The following NRXN3 variants were observed in gnomAD, a reference collection of about 807,000 sequenced individuals.
NRXN3 encodes neurexin 3.
A neutral mutation model predicts 137.6 loss-of-function variants in NRXN3; 32 were observed. That is an observed-to-expected ratio of 0.23 (90% confidence interval 0.18 to 0.31). NRXN3 has a LOEUF of 0.31. Ranked by LOEUF, NRXN3 falls within the 10% of genes least tolerant of loss-of-function variation. The pLI is 1.00. For synonymous variants in NRXN3, 798 were observed against 784.5 expected (o/e 1.02, Z -0.29); for missense variants, 1,574 against 2,062.5 (o/e 0.76, Z 4.59).
chr14:79,567,370 G>C (rs967271172), intron 16 of NRXN3, among the ~76,000 whole-genome samples: 4 of 151,908 alleles, frequency 2.6e-5, no homozygotes, highest in Non-Finnish European at 4.4e-5. Flanking sequence ...AGACCAGACT[G>C]GACTTGCATA....
chr14:79,438,372 A>G (rs1396919337), intron 15 of NRXN3, among the ~76,000 whole-genome samples: 1 of 152,172 alleles, frequency 6.6e-6, no homozygotes, highest in Non-Finnish European at 1.5e-5. Context: ...TGGTTAGGGT[A>G]AATAGAGGAG....
At chr14:78,851,598 C>T (rs930404939) in intron 10 of NRXN3, among the ~76,000 whole-genome samples, 2 of 152,184 alleles carry the variant, frequency 1.3e-5, no homozygotes, top group Admixed American at 1.3e-4. Flanking sequence ...TTACCACAGG[C>T]AGGCTGGCAG....
chr14:78,382,760 T>C (rs1440427517), intron 4 of NRXN3, among the ~76,000 whole-genome samples: 1 of 152,170 alleles, frequency 6.6e-6, no homozygotes, highest in Non-Finnish European at 1.5e-5. Flanking sequence ...TCCCTCTCCT[T>C]GTTTCCAATT....
At chr14:79,269,632 T>G (rs892257099) in intron 15 of NRXN3, among the ~76,000 whole-genome samples, 1 of 152,120 alleles carries the variant, frequency 6.6e-6, no homozygotes, top group Admixed American at 6.5e-5. Context: ...TTAGGGTGAT[T>G]CATTTTTATT....
intron 15 of NRXN3, among the ~76,000 whole-genome samples, chr14:79,402,216 G>A (rs890592258): frequency 6.6e-5 from 10 of 152,120 alleles, no homozygotes; most frequent in African/African-American, 1.9e-4. Context: ...GATTACAGGC[G>A]TGAGCCACTT....
intron 4 of NRXN3, among the ~76,000 whole-genome samples, chr14:78,381,139 A>G (rs112756107): frequency 1.3e-5 from 2 of 152,196 alleles, no homozygotes; most frequent in African/African-American, 2.4e-5. Context: ...ACTACTTATT[A>G]AAAAATTAGC....
At chr14:78,335,836 G>C (rs531943133) in intron 4 of NRXN3, among the ~76,000 whole-genome samples, 4 of 152,198 alleles carry the variant, frequency 2.6e-5, no homozygotes, top group Non-Finnish European at 5.9e-5. Context: ...AACTGCTGGG[G>C]AAGGCACAGG....
intron 16 of NRXN3, among the ~76,000 whole-genome samples, chr14:79,485,678 G>C (rs1424533231): frequency 6.7e-6 from 1 of 150,188 alleles, no homozygotes; most frequent in Non-Finnish European, 1.5e-5. Flanking sequence ...TCATATTCCA[G>C]GTATTACTGT....
intron 4 of NRXN3, among the ~76,000 whole-genome samples, chr14:78,339,447 T>C (rs944128777): frequency 2.0e-5 from 3 of 152,168 alleles, no homozygotes; most frequent in African/African-American, 7.2e-5. Context: ...ACATATAGCA[T>C]TGACTGTGTC....
At chr14:79,437,272 G>A (rs1046610446) in intron 15 of NRXN3, among the ~76,000 whole-genome samples, 2 of 151,916 alleles carry the variant, frequency 1.3e-5, no homozygotes, top group Admixed American at 6.6e-5. Flanking sequence ...TGATCTTTTG[G>A]ATAAATAGTG....
chr14:79,216,392 T>C (rs2068508637), intron 15 of NRXN3, among the ~76,000 whole-genome samples: 1 of 152,142 alleles, frequency 6.6e-6, no homozygotes, highest in Non-Finnish European at 1.5e-5. Flanking sequence ...ATTTCATTGG[T>C]TACATGTGAA....
chr14:79,294,189 C>G (rs1418812654), intron 15 of NRXN3, among the ~76,000 whole-genome samples: 1 of 152,162 alleles, frequency 6.6e-6, no homozygotes, highest in South Asian at 2.1e-4. Context: ...ATCTTTATTT[C>G]CCCTAGATAC....
chr14:78,609,527 T>A (rs1314460128), intron 4 of NRXN3, among the ~76,000 whole-genome samples: 2 of 152,140 alleles, frequency 1.3e-5, no homozygotes, highest in African/African-American at 4.8e-5. Flanking sequence ...TAGAACTTAG[T>A]GGTTAAGCAC....
intron 19 of NRXN3, among the ~76,000 whole-genome samples, chr14:79,720,207 T>C (rs1188690485): frequency 6.6e-6 from 1 of 152,034 alleles, no homozygotes; most frequent in Non-Finnish European, 1.5e-5. Flanking sequence ...AGAGTGTGTG[T>C]GCAGGCGAGC....
intron 15 of NRXN3, among the ~76,000 whole-genome samples, chr14:79,267,887 T>C (rs1287073547): frequency 6.6e-6 from 1 of 152,242 alleles, no homozygotes; most frequent in South Asian, 2.1e-4. Flanking sequence ...GATTCTTCAG[T>C]ATGTGGACTT....
intron 1 of NRXN3, among the ~76,000 whole-genome samples, chr14:78,204,661 A>C (rs982626966): frequency 6.6e-6 from 1 of 152,254 alleles, no homozygotes; most frequent in African/African-American, 2.4e-5. Context: ...TAATATGTGC[A>C]TAGAAAAAAG....
intron 16 of NRXN3, among the ~76,000 whole-genome samples, chr14:79,481,798 C>G (rs1035021097): frequency 6.6e-6 from 1 of 151,904 alleles, no homozygotes; most frequent in Non-Finnish European, 1.5e-5. Flanking sequence ...CAAGACAGCT[C>G]GGCAGGTAGG....
At chr14:79,189,004 A>G (rs2063886127) in intron 15 of NRXN3, among the ~76,000 whole-genome samples, 1 of 152,158 alleles carries the variant, frequency 6.6e-6, no homozygotes, top group South Asian at 2.1e-4. Context: ...CTAGAACTAG[A>G]AATACCATTT....
intron 4 of NRXN3, among the ~76,000 whole-genome samples, chr14:78,404,266 A>C (rs768966976): frequency 6.7e-5 from 10 of 149,546 alleles, no homozygotes; most frequent in Non-Finnish European, 1.5e-4. Context: ...ACAGGGTTGC[A>C]TGTTGTCAAT....
Sources: gnomAD v4.1 joint callset for allele counts (sites outside exome capture counted in the v4.1 genomes callset) on GRCh38, gnomAD v4.1.1 for gene constraint, MANE v1.5 for transcripts, NCBI Gene and HGNC (gene_info 2026-07-23, HGNC 2026-07-21) for gene names.